The following VPS13B variants were observed in gnomAD, a reference collection of about 807,000 sequenced individuals.
VPS13B encodes vacuolar protein sorting 13 homolog B.
Under a neutral mutation model 426.4 loss-of-function variants are expected in VPS13B, and 285 were observed. The observed-to-expected ratio is 0.67, with a 90% confidence interval of 0.61 to 0.74. The LOEUF is 0.74. VPS13B is among the 30% of genes least tolerant of loss of function. The pLI is 0.00. For synonymous variants in VPS13B, 1,676 were observed against 1,676.4 expected (o/e 1.00, Z 0.01); for missense variants, 4,537 against 4,782.6 (o/e 0.95, Z 1.51).
intron 35 of VPS13B, among the ~76,000 whole-genome samples, chr8:99,679,430 C>T (rs1178275607): frequency 6.6e-6 from 1 of 152,054 alleles, no homozygotes. Flanking sequence ...TGCAATTACC[C>T]TATAATTAGA....
At chr8:99,796,213 G>A (rs563374713) in intron 43 of VPS13B, among the ~76,000 whole-genome samples, 191 of 152,248 alleles carry the variant, frequency 1.3e-3, no homozygotes, top group Non-Finnish European at 2.2e-3. Flanking sequence ...GAAAAAAAGA[G>A]ACCATTGTAT....
At chr8:99,030,996 C>T (rs899036396) in intron 2 of VPS13B, among the ~76,000 whole-genome samples, 8 of 152,068 alleles carry the variant, frequency 5.3e-5, no homozygotes, top group Admixed American at 1.3e-4. Flanking sequence ...TGTGACTAGA[C>T]GTAGGCTGTA....
At position 99,823,909 on chromosome 8, in the gene VPS13B, C is replaced by A; in HGVS notation, c.9261C>A (p.Ile3087=). ...AGATTGAAGACAAGACTACAATAAT[C>A]AATAATACACCATATCAAATATTTT... The part of the protein sequence containing the change: ...IIQIEDKTTI[I]NNTPYQIFYK... Residue 3087 remains isoleucine (I), a synonymous_variant, in exon 51 of 62, where the codon ATC becomes ATA. Transcript: ENST00000357162. The A allele has an allele frequency of 6.2e-7, 1 of 1,613,392 alleles. No homozygotes were observed. The highest frequency in any genetic ancestry group is 1.1e-5 in the South Asian group (1 of 91,062).
chr8:99,848,396 A>G (rs1191313258), intron 54 of VPS13B, among the ~76,000 whole-genome samples: 1 of 152,154 alleles, frequency 6.6e-6, no homozygotes, highest in Non-Finnish European at 1.5e-5. Flanking sequence ...TTGTTTGCAC[A>G]TTGCACTTCA....
At chr8:99,721,779 A>T (rs1833144296) in intron 39 of VPS13B, among the ~76,000 whole-genome samples, 1 of 152,136 alleles carries the variant, frequency 6.6e-6, no homozygotes, top group Non-Finnish European at 1.5e-5. Flanking sequence ...AAGTCCTGTC[A>T]GTTCTGCCTA....
intron 35 of VPS13B, among the ~76,000 whole-genome samples, chr8:99,691,090 T>A (rs1831633952): frequency 6.6e-6 from 1 of 152,204 alleles, no homozygotes; most frequent in Non-Finnish European, 1.5e-5. Context: ...CATTATGCTA[T>A]ATGAAGGAAA....
intron 5 of VPS13B, among the ~76,000 whole-genome samples, chr8:99,105,406 T>C (rs990638982): frequency 5.3e-5 from 8 of 152,102 alleles, no homozygotes; most frequent in Non-Finnish European, 7.4e-5. Flanking sequence ...TGAGACAGAG[T>C]CTCGCTCTGT....
chr8:99,350,965 TATC>T (rs1480757358), intron 19 of VPS13B, among the ~76,000 whole-genome samples: 6 of 152,020 alleles, frequency 3.9e-5, no homozygotes, highest in Admixed American at 3.3e-4. Context: ...TTCAAATAGA[TATC>T]ATTTTAAATT....
In VPS13B at chr8:99,096,450, C is replaced by A; in HGVS notation, c.412+18C>A. 1.9e-6 allele frequency: 3 copies of A among 1,613,560 alleles called. No homozygotes were observed. The Middle Eastern group carries it at 5.0e-4, about 267-fold the overall frequency. On this transcript the variant is annotated intron_variant, in intron 4 of 61. Transcript: ENST00000357162. ...ACCACCAGGTAACTTCTAATGGGAT[C>A]AATAAAACCAAATTTCAATTTTTGG...
chr8:99,394,836 C>T (rs1371475017), intron 21 of VPS13B, among the ~76,000 whole-genome samples: 1 of 152,108 alleles, frequency 6.6e-6, no homozygotes, highest in Non-Finnish European at 1.5e-5. Flanking sequence ...ATTTAAGACA[C>T]CTTGACTATT....
At chr8:99,446,581 A>C (rs1007950915) in intron 23 of VPS13B, among the ~76,000 whole-genome samples, 1 of 151,444 alleles carries the variant, frequency 6.6e-6, no homozygotes, top group Non-Finnish European at 1.5e-5. Context: ...TCACTCTTTG[A>C]TATTTTTTCT....
rs150216017 is a variant in VPS13B at position 99,529,363 on chromosome 8, G to A, written c.4745+8353G>A. 6.3e-3 allele frequency among the ~76,000 whole-genome samples: 952 copies of A among 152,216 alleles called. 8 individuals carry two copies. Among genetic ancestry groups the A allele is most frequent in the African/African-American group, 0.022 (894 of 41,548 alleles). ...TAATGTATTGTGGTCATCTTTCAGTGTAATCATATTTAGACTTGCCATCAT... is the reference window on the plus strand; with the variant it reads ...TAATGTATTGTGGTCATCTTTCAGTATAATCATATTTAGACTTGCCATCAT... On this transcript the variant is annotated intron_variant, in intron 30 of 61. Coordinates refer to ENST00000357162, the MANE Select transcript of VPS13B (RefSeq NM_152564.5).
At chr8:99,387,560 T>C (rs926991082) in intron 20 of VPS13B, among the ~76,000 whole-genome samples, 2 of 152,240 alleles carry the variant, frequency 1.3e-5, no homozygotes, top group Middle Eastern at 3.4e-3. Flanking sequence ...GCATTGTTAT[T>C]TTACTACAGT....
At chr8:99,442,987 A>G (rs1181201978) in intron 23 of VPS13B, among the ~76,000 whole-genome samples, 1 of 152,134 alleles carries the variant, frequency 6.6e-6, no homozygotes, top group Non-Finnish European at 1.5e-5. Flanking sequence ...TGATTTATGA[A>G]TGAATGTATT....
chr8:99,076,282 TTTACACTGGAGAATG>T (rs1845116844), intron 3 of VPS13B, among the ~76,000 whole-genome samples: 3 of 152,202 alleles, frequency 2.0e-5, no homozygotes, highest in Admixed American at 6.5e-5. Context: ...TAATATATGA[TTTACACTGGAGAATG>T]TTTTATGTGC....
intron 17 of VPS13B, among the ~76,000 whole-genome samples, chr8:99,216,462 G>A (rs1017668504): frequency 3.3e-5 from 5 of 151,628 alleles, no homozygotes; most frequent in African/African-American, 1.2e-4. Context: ...CTTTTCTAGA[G>A]GAACATATTC....
At chr8:99,830,495 G>C (rs1814979844) in intron 51 of VPS13B, among the ~76,000 whole-genome samples, 1 of 152,182 alleles carries the variant, frequency 6.6e-6, no homozygotes, top group Non-Finnish European at 1.5e-5. Context: ...TGCTGTGCTG[G>C]CAGTGAGAAT....
chr8:99,195,684 T>C (rs947582108), intron 17 of VPS13B, among the ~76,000 whole-genome samples: 1 of 152,256 alleles, frequency 6.6e-6, no homozygotes, highest in Non-Finnish European at 1.5e-5. Context: ...CTAGTAGATT[T>C]ACGTTTCAGA....
chr8:99,033,486 T>A (rs1319726718), intron 2 of VPS13B, among the ~76,000 whole-genome samples: 2 of 152,242 alleles, frequency 1.3e-5, no homozygotes, highest in Non-Finnish European at 2.9e-5. Flanking sequence ...TCTAGTGAAT[T>A]TTTTATTTTG....
Sources: allele counts gnomAD v4.1 joint callset (sites outside exome capture counted in the v4.1 genomes callset), GRCh38; gene constraint gnomAD v4.1.1; transcripts MANE v1.5; gene names NCBI Gene and HGNC (gene_info 2026-07-23, HGNC 2026-07-21).